The following SHISA9 variants were observed in gnomAD, a reference collection of about 807,000 sequenced individuals.
SHISA9 encodes the protein protein shisa-9.
In SHISA9, 13 loss-of-function variants were observed where a neutral mutation model predicts 38.0. The observed-to-expected ratio is 0.34, with a 90% confidence interval of 0.22 to 0.54. SHISA9 has a LOEUF of 0.54. Among genes scored for constraint, SHISA9 ranks in the 20% least tolerant of loss-of-function variants. The pLI is 0.91. For missense variants in SHISA9, 538 were observed against 575.8 expected (o/e 0.93, Z 0.67); for synonymous variants, 275 against 242.0 (o/e 1.14, Z -1.27).
chr16:13,424,392 C>G, the SHISA9 span, among the ~76,000 whole-genome samples: 1 of 152,258 alleles, frequency 6.6e-6, no homozygotes, highest in East Asian at 1.9e-4. Flanking sequence ...TCATCACATT[C>G]CAGGCTTCTC....
intron 2 of SHISA9, among the ~76,000 whole-genome samples, chr16:12,966,592 C>T (rs957755426): frequency 1.3e-5 from 2 of 152,112 alleles, no homozygotes; most frequent in Non-Finnish European, 2.9e-5. Context: ...ACAAGGAAGG[C>T]ATTCGTTATC....
chr16:13,498,790 T>C, the SHISA9 span, among the ~76,000 whole-genome samples: 1 of 152,060 alleles, frequency 6.6e-6, no homozygotes, highest in Non-Finnish European at 1.5e-5. Context: ...AAGGTAGTCA[T>C]GAATTTGTTT....
At chr16:13,416,760 A>AAGGAAGGGG in the SHISA9 span, among the ~76,000 whole-genome samples, 1 of 134,024 alleles carries the variant, frequency 7.5e-6, no homozygotes, top group African/African-American at 2.8e-5. Context: ...GGAAGGAAGG[A>AAGGAAGGGG]AGGAAGGAAG....
At chr16:13,491,818 C>CTTT in the SHISA9 span, among the ~76,000 whole-genome samples, 112 of 44,514 alleles carry the variant, frequency 2.5e-3, 16 homozygotes, top group African/African-American at 7.8e-3. Context: ...ATTTATTGAC[C>CTTT]TTTTTTTTTT....
chr16:13,280,735 A>G, the SHISA9 span, among the ~76,000 whole-genome samples: 1 of 151,738 alleles, frequency 6.6e-6, no homozygotes, highest in African/African-American at 2.4e-5. Flanking sequence ...CTTTCCTTGT[A>G]TCATACCCAC....
intron 4 of SHISA9, among the ~76,000 whole-genome samples, chr16:13,219,829 G>T (rs1307228141): frequency 6.6e-6 from 1 of 152,106 alleles, no homozygotes; most frequent in Non-Finnish European, 1.5e-5. Context: ...ATGATAGTGG[G>T]TGCCTGTAAT....
chr16:13,117,233 C>T (rs28588411), intron 2 of SHISA9, among the ~76,000 whole-genome samples: 6,675 of 152,262 alleles, frequency 0.044, 495 homozygotes, highest in African/African-American at 0.15. Flanking sequence ...TCTCGGCTTC[C>T]CAAACTGCTG....
chr16:13,009,889 A>G (rs1338158968), intron 2 of SHISA9, among the ~76,000 whole-genome samples: 1 of 152,136 alleles, frequency 6.6e-6, no homozygotes, highest in Non-Finnish European at 1.5e-5. Context: ...TTATAGAAAC[A>G]TAGAAGGCCA....
In SHISA9 at chr16:13,236,455, C is replaced by G. The variant is rs1331262001; in HGVS notation, c.*1046C>G. The stretch of plus-strand genomic sequence containing the variant: ...TGAAACAGCCACAGAAACAAGTCCT[C>G]TATAAACTGTATGTCCCTGACATCC... On this transcript the variant is annotated 3_prime_UTR_variant, in exon 5 of 5. Transcript: ENST00000558583. The G allele has an allele frequency of 6.6e-6, 1 of 152,192 alleles. No individual in the cohort carries two copies. Among genetic ancestry groups the G allele is most frequent in the Non-Finnish European group, 1.5e-5 (1 of 68,046 alleles). The allele number at this position is 152,192 out of a possible 1,614,324, so 9.4% of individuals were successfully genotyped here.
the SHISA9 span, among the ~76,000 whole-genome samples, chr16:13,349,505 T>C: frequency 6.6e-6 from 1 of 152,172 alleles, no homozygotes; most frequent in Non-Finnish European, 1.5e-5. Flanking sequence ...TACTGGGAGC[T>C]CTAATACCAC....
At chr16:13,373,719 C>G in the SHISA9 span, among the ~76,000 whole-genome samples, 5 of 148,952 alleles carry the variant, frequency 3.4e-5, no homozygotes, top group East Asian at 2.0e-4. Context: ...CGAGATTGCA[C>G]CACTGCACTC....
chr16:13,328,915 T>C, the SHISA9 span, among the ~76,000 whole-genome samples: 5 of 152,226 alleles, frequency 3.3e-5, no homozygotes, highest in African/African-American at 9.6e-5. Context: ...TCATTTTTTT[T>C]CCCTAACAAG....
At chr16:13,557,969 T>G in the SHISA9 span, among the ~76,000 whole-genome samples, 1 of 152,276 alleles carries the variant, frequency 6.6e-6, no homozygotes, top group East Asian at 1.9e-4. Context: ...ACTATAGGCT[T>G]CCGATCACCT....
At chr16:13,181,300 TATATATATATATACAC>T (rs1478554899) in intron 2 of SHISA9, among the ~76,000 whole-genome samples, 386 of 40,874 alleles carry the variant, frequency 9.4e-3, no homozygotes, top group Non-Finnish European at 0.013. Flanking sequence ...TATATATATA[TATATATATATATACAC>T]ACACACACAC....
chr16:13,137,046 A>G (rs2141992369), intron 2 of SHISA9, among the ~76,000 whole-genome samples: 1 of 152,298 alleles, frequency 6.6e-6, no homozygotes, highest in East Asian at 1.9e-4. Flanking sequence ...ACATGATACC[A>G]CCTTGCATTC....
At chr16:13,325,445 T>G in the SHISA9 span, among the ~76,000 whole-genome samples, 1 of 152,190 alleles carries the variant, frequency 6.6e-6, no homozygotes, top group Non-Finnish European at 1.5e-5. Context: ...TGAACTAGTT[T>G]TTCAGGTTTC....
At chr16:13,452,988 A>C in the SHISA9 span, among the ~76,000 whole-genome samples, 478 of 151,968 alleles carry the variant, frequency 3.1e-3, 2 homozygotes, top group African/African-American at 0.011. Flanking sequence ...AGCTCACTGC[A>C]ACCTCCACCT....
the SHISA9 span, among the ~76,000 whole-genome samples, chr16:13,306,206 G>C: frequency 6.6e-6 from 1 of 152,194 alleles, no homozygotes; most frequent in Non-Finnish European, 1.5e-5. Context: ...ACAGGAAATG[G>C]GGTTATCATA....
At chr16:13,139,753 G>T (rs1346607318) in intron 2 of SHISA9, among the ~76,000 whole-genome samples, 2 of 152,118 alleles carry the variant, frequency 1.3e-5, no homozygotes, top group East Asian at 3.9e-4. Context: ...AACAATTTAA[G>T]GTTCATATGA....
Sources: gnomAD v4.1 joint callset for allele counts (sites outside exome capture counted in the v4.1 genomes callset) on GRCh38, gnomAD v4.1.1 for gene constraint, MANE v1.5 for transcripts, NCBI Gene and HGNC (gene_info 2026-07-23, HGNC 2026-07-21) for gene names.